The following NEK11 variants were observed in gnomAD, a reference collection of about 807,000 sequenced individuals.
NEK11 encodes the protein NIMA related kinase 11, also known as serine/threonine-protein kinase Nek11.
In NEK11, 72 loss-of-function variants were observed where a neutral mutation model predicts 80.7. The observed-to-expected ratio is 0.89, with a 90% CI of 0.74 to 1.08. The LOEUF (loss-of-function observed/expected upper bound fraction) is 1.08, where lower values mean the gene tolerates loss of function less well. Among genes scored for constraint, NEK11 ranks in the 50% least tolerant of loss-of-function variants. NEK11 has a pLI of 0.00. For synonymous variants in NEK11, 251 were observed against 260.7 expected (o/e 0.96, Z 0.36); for missense variants, 764 against 763.6 (o/e 1.00, Z -0.01).
intron 14 of NEK11, among the ~76,000 whole-genome samples, chr3:131,210,422 C>T (rs1372589087): frequency 9.9e-5 from 15 of 152,038 alleles, no homozygotes; most frequent in African/African-American, 2.9e-4. Flanking sequence ...GTAAGTGCAA[C>T]GTGGTGCTGA....
intron 16 of NEK11, among the ~76,000 whole-genome samples, chr3:131,260,687 G>A (rs748759776): frequency 2.0e-5 from 3 of 152,044 alleles, no homozygotes; most frequent in African/African-American, 4.8e-5. Context: ...CTGTCATGTC[G>A]CATTCCAAGG....
At chr3:131,110,897 A>G (rs186614626) in intron 5 of NEK11, among the ~76,000 whole-genome samples, 16 of 152,292 alleles carry the variant, frequency 1.1e-4, no homozygotes, top group Non-Finnish European at 4.4e-5. Context: ...ACCTCATAAC[A>G]ATCTGTTGGA....
intron 10 of NEK11, among the ~76,000 whole-genome samples, chr3:131,162,190 A>G (rs1055714518): frequency 1.3e-5 from 2 of 152,374 alleles, no homozygotes; most frequent in Non-Finnish European, 2.9e-5. Context: ...TGGAAAGTAA[A>G]TAATTTCCTT....
intron 14 of NEK11, among the ~76,000 whole-genome samples, chr3:131,182,811 A>T (rs916567762): frequency 1.3e-5 from 2 of 151,968 alleles, no homozygotes; most frequent in African/African-American, 4.8e-5. Context: ...TCTCAGATTG[A>T]TTTTCTCTTT....
At chr3:131,201,193 C>CTA (rs897070613) in intron 14 of NEK11, among the ~76,000 whole-genome samples, 216 of 145,288 alleles carry the variant, frequency 1.5e-3, no homozygotes, top group African/African-American at 3.9e-3. Context: ...ATATATATAA[C>CTA]TATATATATA....
At chr3:131,069,518 G>A (rs952945752) in intron 3 of NEK11, among the ~76,000 whole-genome samples, 5 of 152,012 alleles carry the variant, frequency 3.3e-5, no homozygotes, top group South Asian at 2.1e-4. Context: ...CTATAAAGAC[G>A]CATGCACACG....
chr3:131,162,204 AC>A (rs2091683348), intron 10 of NEK11, among the ~76,000 whole-genome samples: 1 of 152,248 alleles, frequency 6.6e-6, no homozygotes, highest in African/African-American at 2.4e-5. Flanking sequence ...TTTCCTTTAA[AC>A]AAAAATCTAA....
chr3:131,059,737 G>T (rs2070453370), intron 3 of NEK11, among the ~76,000 whole-genome samples: 1 of 152,098 alleles, frequency 6.6e-6, no homozygotes, highest in East Asian at 1.9e-4. Context: ...TTCCCCATCT[G>T]CAACCACCAT....
intron 4 of NEK11, among the ~76,000 whole-genome samples, chr3:131,085,579 T>C (rs1434445378): frequency 2.0e-5 from 3 of 152,042 alleles, no homozygotes; most frequent in East Asian, 1.9e-4. Flanking sequence ...AGCATTCTAT[T>C]TGAGTTCGCA....
chr3:131,089,811 A>G (rs1275853463), intron 4 of NEK11, among the ~76,000 whole-genome samples: 1 of 152,158 alleles, frequency 6.6e-6, no homozygotes, highest in Non-Finnish European at 1.5e-5. Flanking sequence ...TGCATTTTAA[A>G]CAAGCAACTT....
At chr3:131,044,672 G>T (rs1402287839) in intron 3 of NEK11, among the ~76,000 whole-genome samples, 1 of 151,972 alleles carries the variant, frequency 6.6e-6, no homozygotes, top group Admixed American at 6.6e-5. Flanking sequence ...CAATAATTGT[G>T]GGAGACTTTG....
At chr3:131,263,280 TG>T (rs1236845232) in intron 16 of NEK11, among the ~76,000 whole-genome samples, 1 of 152,184 alleles carries the variant, frequency 6.6e-6, no homozygotes, top group Non-Finnish European at 1.5e-5. Context: ...AGTGAGAACA[TG>T]CAGTTCTCAC....
intron 16 of NEK11, 125 bp downstream of exon 16, chr3:131,243,621 C>A: frequency 5.3e-6 from 4 of 753,356 alleles, no homozygotes; most frequent in South Asian, 2.0e-5. Context: ...AAACTGAGGC[C>A]AATAGAAGTT....
At chr3:131,309,451 A>G (rs1014541740) in intron 17 of NEK11, among the ~76,000 whole-genome samples, 2 of 152,166 alleles carry the variant, frequency 1.3e-5, no homozygotes, top group African/African-American at 4.8e-5. Flanking sequence ...TCAGAAGCAT[A>G]TATGTCTTAA....
intron 3 of NEK11, among the ~76,000 whole-genome samples, chr3:131,057,426 T>C (rs1033277992): frequency 7.9e-5 from 12 of 151,930 alleles, no homozygotes; most frequent in Admixed American, 3.3e-4. Flanking sequence ...CTGGGTCAAA[T>C]GGTATTTCTA....
chr3:131,317,812 A>AGGAGAGGGAG (rs2096857814), intron 17 of NEK11, among the ~76,000 whole-genome samples: 2 of 2,316 alleles, frequency 8.6e-4, no homozygotes, highest in Non-Finnish European at 3.0e-3. Context: ...GGAGGAGAGG[A>AGGAGAGGGAG]GGAGGGGGAG....
chr3:131,067,164 G>A (rs2072192788), intron 3 of NEK11, among the ~76,000 whole-genome samples: 1 of 152,178 alleles, frequency 6.6e-6, no homozygotes, highest in Non-Finnish European at 1.5e-5. Context: ...GTGCATGACA[G>A]TTTCTTATAG....
chr3:131,235,533 G>A (rs1221533017), intron 15 of NEK11, among the ~76,000 whole-genome samples: 1 of 152,106 alleles, frequency 6.6e-6, no homozygotes, highest in Admixed American at 6.6e-5. Context: ...GGGAGGAAAG[G>A]GTTGTGACAC....
intron 17 of NEK11, among the ~76,000 whole-genome samples, chr3:131,305,058 G>A (rs2096708602): frequency 6.6e-6 from 1 of 151,642 alleles, no homozygotes; most frequent in Non-Finnish European, 1.5e-5. Flanking sequence ...CAACATCTGT[G>A]CATGCATTTG....
Sources: allele counts gnomAD v4.1 joint callset (sites outside exome capture counted in the v4.1 genomes callset), GRCh38; gene constraint gnomAD v4.1.1; transcripts MANE v1.5; gene names NCBI Gene and HGNC (gene_info 2026-07-23, HGNC 2026-07-21).